Variants in GPSM2 observed in about 807,000 individuals in gnomAD.
The protein encoded by GPSM2 is G protein signaling modulator 2.
GPSM2 carries 58 observed loss-of-function variants against 78.4 expected under a neutral mutation model. That is an observed-to-expected ratio of 0.74 (90% CI 0.60 to 0.92). The LOEUF is 0.92. Among genes scored for constraint, GPSM2 ranks in the 40% least tolerant of loss-of-function variants. The pLI, the probability that GPSM2 is intolerant of heterozygous loss-of-function variation, is 0.00. For missense variants in GPSM2, 700 were observed against 815.5 expected (o/e 0.86, Z 1.73); for synonymous variants, 224 against 280.2 (o/e 0.80, Z 2.00).
intron 10 of GPSM2, among the ~76,000 whole-genome samples, chr1:108,912,580 A>T (rs1649839815): frequency 6.8e-6 from 1 of 146,472 alleles, no homozygotes; most frequent in African/African-American, 2.6e-5. Flanking sequence ...GTCTGTATAA[A>T]AAAAAAAAAA....
At chr1:108,881,124 G>A (rs1019181085) in intron 1 of GPSM2, among the ~76,000 whole-genome samples, 2 of 152,206 alleles carry the variant, frequency 1.3e-5, no homozygotes, top group Non-Finnish European at 2.9e-5. Flanking sequence ...TTAGAGTTAT[G>A]TACTAGTTGA....
intron 13 of GPSM2, 49 bp from the exon 14 acceptor site, chr1:108,923,947 GTTTT>G (rs1338220796): frequency 1.8e-6 from 2 of 1,098,592 alleles, no homozygotes; most frequent in African/African-American, 1.7e-5. Context: ...AGGTTTTTTT[GTTTT>G]TTGTTTTTTG....
chr1:108,883,097 T>C (rs1647246543), intron 1 of GPSM2, among the ~76,000 whole-genome samples: 3 of 152,166 alleles, frequency 2.0e-5, no homozygotes, highest in Non-Finnish European at 4.4e-5. Context: ...CAACAAAAGA[T>C]AGTGCTTCCT....
chr1:108,928,152 C>T (rs1651284240), intron 14 of GPSM2, among the ~76,000 whole-genome samples: 1 of 152,196 alleles, frequency 6.6e-6, no homozygotes, highest in Non-Finnish European at 1.5e-5. Context: ...TTGGAAATCA[C>T]ATATCTGATA....
At chr1:108,882,647 T>C (rs1336193556) in intron 1 of GPSM2, 2 of 152,230 alleles carry the variant, frequency 1.3e-5, no homozygotes, top group African/African-American at 4.8e-5. Context: ...CTAATACCTC[T>C]CTTTCTGCTC....
At chr1:108,896,696 TGC>T (rs1648392418) in intron 2 of GPSM2, among the ~76,000 whole-genome samples, 166 bp from the exon 3 acceptor site, 1 of 152,200 alleles carries the variant, frequency 6.6e-6, no homozygotes, top group African/African-American at 2.4e-5. Flanking sequence ...AATTACCTCT[TGC>T]TACAAATAAC....
chr1:108,883,350 G>T (rs1406241201), intron 1 of GPSM2, among the ~76,000 whole-genome samples: 2 of 152,192 alleles, frequency 1.3e-5, no homozygotes, highest in African/African-American at 4.8e-5. Flanking sequence ...TACTTAAAAG[G>T]ATGTTATATA....
chr1:108,883,264 TC>T (rs1156231676), intron 1 of GPSM2, among the ~76,000 whole-genome samples: 1 of 152,236 alleles, frequency 6.6e-6, no homozygotes, highest in East Asian at 1.9e-4. Context: ...TCTGCTCTGT[TC>T]CCTATTAACT....
intron 10 of GPSM2, among the ~76,000 whole-genome samples, chr1:108,910,827 C>T (rs1051804611): frequency 2.7e-5 from 4 of 150,766 alleles, no homozygotes; most frequent in Admixed American, 2.7e-4. Context: ...AGCACCACTG[C>T]ACTCCAGCCT....
rs1182441947 is a variant in GPSM2 at position 108,931,652 on chromosome 1, T to C, written c.*1712T>C. The C allele has an allele frequency of 1.1e-6, 1 of 923,368 alleles. No homozygotes were observed. The highest frequency in any genetic ancestry group is 3.3e-5 in the Admixed American group (1 of 29,952). The allele number at this position is 923,368 out of a possible 1,614,324, so 57.2% of individuals were successfully genotyped here. ...CTAAAAAAAAAAAAAAAGTTCTAAA[T>C]TACAACCTGGATTACATTATGTTTC... On this transcript the variant is annotated 3_prime_UTR_variant, in exon 15 of 15. Coordinates refer to ENST00000264126, the MANE Select transcript of GPSM2 (RefSeq NM_013296.5).
chr1:108,921,240 CGAAACCCT>C (rs1378424463), intron 12 of GPSM2, among the ~76,000 whole-genome samples: 2 of 151,842 alleles, frequency 1.3e-5, no homozygotes, highest in Non-Finnish European at 2.9e-5. Context: ...GCCAACACGG[CGAAACCCT>C]GACTGTATAA....
intron 10 of GPSM2, among the ~76,000 whole-genome samples, chr1:108,906,449 T>C (rs539095101): frequency 5.9e-5 from 9 of 152,134 alleles, no homozygotes; most frequent in African/African-American, 2.2e-4. Context: ...GCAACAATCT[T>C]AGTATAAGCT....
At position 108,929,975 on chromosome 1, in the gene GPSM2, G is replaced by A. The variant is rs371265789; in HGVS notation, c.*35G>A. The A allele has an allele frequency of 1.1e-5, 18 of 1,584,198 alleles. No individual in the cohort carries two copies. The highest frequency in any genetic ancestry group is 1.8e-4 in the Middle Eastern group (1 of 5,532). On this transcript the variant is annotated 3_prime_UTR_variant, in exon 15 of 15. Coordinates refer to ENST00000264126, the MANE Select transcript of GPSM2 (RefSeq NM_013296.5). ...ATTTATTTTTTTTCCTTTCAAACAC[G>A]GTAAGGAAACAATCTATTACTTTTT...
Position 108,904,248 on chromosome 1 carries a change from T to C in GPSM2, c.1186T>C (p.Leu396=). Residue 396 remains leucine, a synonymous_variant, in exon 10 of 15, where the codon TTG becomes CTG. Coordinates refer to ENST00000264126, the MANE Select transcript of GPSM2 (RefSeq NM_013296.5). ...MSENTEIDSS[L]NGVRPKLGRR... is the part of the protein sequence containing the mutation. ...TGAAAATACTGAAATTGATAGCAGT[T>C]TGAATGGTAAGTAATAGGACTTTTA... The C allele has an allele frequency of 6.3e-7, 1 of 1,591,516 alleles. No homozygotes were observed. Among genetic ancestry groups the C allele is most frequent in the Non-Finnish European group, 8.6e-7 (1 of 1,160,680 alleles).
chr1:108,903,085 C>G (rs1648937049), intron 8 of GPSM2, 41 bp from the exon 9 acceptor site: 4 of 1,226,100 alleles, frequency 3.3e-6, no homozygotes, highest in Non-Finnish European at 4.8e-6. Context: ...CATAGGACCT[C>G]TTTTCAAATA....
chr1:108,929,066 T>C (rs1434222367), intron 14 of GPSM2, among the ~76,000 whole-genome samples: 2 of 152,164 alleles, frequency 1.3e-5, no homozygotes, highest in African/African-American at 2.4e-5. Flanking sequence ...AGGCAAACTT[T>C]TTCTGTAAAA....
At chr1:108,879,279 C>T (rs115099008) in intron 1 of GPSM2, among the ~76,000 whole-genome samples, 5,044 of 152,188 alleles carry the variant, frequency 0.033, 138 homozygotes, top group Non-Finnish European at 0.045. Flanking sequence ...GATTCTTTGG[C>T]CTCGTCATAA....
intron 12 of GPSM2, among the ~76,000 whole-genome samples, chr1:108,921,265 C>A (rs532451429): frequency 6.6e-6 from 1 of 152,020 alleles, no homozygotes; most frequent in Non-Finnish European, 1.5e-5. Flanking sequence ...ATAAAAAATA[C>A]AAAAATTAGC....
rs1267459020 is a variant in GPSM2 at position 108,922,624 on chromosome 1, T to G, written c.1600+48T>G. The G allele has an allele frequency of 2.1e-6, 3 of 1,412,962 alleles. No individual in the cohort carries two copies. The South Asian group carries it at 3.5e-5, about 16-fold the overall frequency. 87.5% of individuals were successfully genotyped at this position (1,412,962 alleles called of 1,614,324 possible). The stretch of plus-strand genomic sequence containing the variant: ...CCGATTTTAATAGTTCTCTTTGATA[T>G]TCTTGTGGCTTATTTCTGAGAATTG... On this transcript the variant is annotated intron_variant, in intron 13 of 14. Coordinates refer to ENST00000264126, the MANE Select transcript of GPSM2 (RefSeq NM_013296.5).
Sources: allele counts gnomAD v4.1 joint callset (sites outside exome capture counted in the v4.1 genomes callset), GRCh38; gene constraint gnomAD v4.1.1; transcripts MANE v1.5; gene names NCBI Gene and HGNC (gene_info 2026-07-23, HGNC 2026-07-21).